WDR25: variants seen among roughly 807,000 people sequenced by gnomAD.
The protein encoded by WDR25 is WD repeat-containing protein 25.
A neutral mutation model predicts 47.7 loss-of-function variants in WDR25; 35 were observed. That is an observed-to-expected ratio of 0.73 (90% CI 0.56 to 0.97). WDR25 has a LOEUF of 0.97. Ranked by LOEUF, WDR25 falls within the 50% of genes least tolerant of loss-of-function variation. The probability of loss-of-function intolerance (pLI) is 0.00; values close to 1 mark genes in which losing one functional copy is unlikely to be tolerated. For missense variants in WDR25, 634 were observed against 704.7 expected (o/e 0.90, Z 1.14); for synonymous variants, 248 against 278.9 (o/e 0.89, Z 1.10).
rs111639654 is a variant in WDR25, at chr14:100,381,607, A to G, written c.683A>G (p.His228Arg). 1.2e-6 allele frequency: 2 copies of G among 1,608,496 alleles called. No homozygotes were observed. Among genetic ancestry groups the G allele is most frequent in the Non-Finnish European group, 1.7e-6 (2 of 1,175,656 alleles). The change falls in exon 2 of 7, where the codon CAT (histidine) becomes CGT (arginine). Residue 228 changes from histidine to arginine, a missense_variant. Transcript: ENST00000402312. ...TTTATTCAGCCATATTTGAATAGCC[A>G]TTATAAAGAAACCACAGTTCCCCGG... is the stretch of plus-strand genomic sequence containing the variant. ...SEFIQPYLNS[H>R]YKETTVPRKV...
chr14:100,417,280 C>T lies in WDR25; in HGVS notation c.822+35534C>T, dbSNP rs1237572696. Among the ~76,000 whole-genome samples the T allele has an allele frequency of 2.0e-5, 3 of 152,226 alleles. No individual in the cohort carries two copies. In the South Asian group the frequency reaches 6.2e-4, roughly 32 times the overall value. On this transcript the variant is annotated intron_variant, in intron 2 of 6. Transcript: ENST00000402312. ...ACACTAGCTCAGGGAGAGAGGCAGC[C>T]GTACCTGGAGGAGCTGCTTAGTAGG...
intron 2 of WDR25, among the ~76,000 whole-genome samples, chr14:100,456,771 A>G (rs1378221165): frequency 6.6e-6 from 1 of 152,204 alleles, no homozygotes; most frequent in Admixed American, 6.5e-5. Flanking sequence ...TTCACCCAAT[A>G]TATGTGAAAG....
In WDR25 at chr14:100,407,097, GAGA is replaced by G. The variant is rs143841338; in HGVS notation, c.822+25358_822+25360del. On this transcript the variant is annotated intron_variant, in intron 2 of 6. Coordinates refer to ENST00000402312, the MANE Select transcript of WDR25 (RefSeq NM_001161476.3). This position sits in a 1 kb window ranked among gnomAD's most constrained non-coding sequence, Gnocchi z 4.1. The stretch of plus-strand genomic sequence containing the variant: ...ACAAAGGTCGCTGAAGTCCTTCCAG[GAGA>G]AGAAGATCAATGCCTGGGCTGAGCC... 141 of 152,394 alleles carry G rather than the reference GAGA, an allele frequency of 9.3e-4. No homozygotes were observed. Among genetic ancestry groups the G allele is most frequent in the African/African-American group, 3.2e-3 (132 of 41,590 alleles). The allele number at this position is 152,394 out of a possible 1,614,324, so 9.4% of individuals were successfully genotyped here.
chr14:100,527,877 G>A (rs2030262996), intron 5 of WDR25, among the ~76,000 whole-genome samples: 1 of 152,234 alleles, frequency 6.6e-6, no homozygotes, highest in African/African-American at 2.4e-5. Flanking sequence ...CACTTAGAGA[G>A]TGTGGCCTAG....
intron 4 of WDR25, among the ~76,000 whole-genome samples, chr14:100,519,267 G>T (rs1365016218): frequency 1.7e-5 from 2 of 119,136 alleles, no homozygotes; most frequent in Non-Finnish European, 3.0e-5. Flanking sequence ...TTATAGGGGG[G>T]AGAGAGAGAG....
Position 100,376,495 on chromosome 14 carries a change from G to A in WDR25, c.-16G>A. On this transcript the variant is annotated splice_region_variant and 5_prime_UTR_variant, in exon 1 of 7. Transcript: ENST00000402312. ...GCCTCCGGGAGAACCGAGCGCTTCCGGTGCGTGTGGTGAGCGGCGGGCCCC... is the reference window on the plus strand; with the variant it reads ...GCCTCCGGGAGAACCGAGCGCTTCCAGTGCGTGTGGTGAGCGGCGGGCCCC... The A allele has an allele frequency of 8.1e-7, 1 of 1,231,664 alleles. No homozygotes were observed. The highest frequency in any genetic ancestry group is 1.5e-5 in the African/African-American group (1 of 64,540). The allele number at this position is 1,231,664 out of a possible 1,614,324, so 76.3% of individuals were successfully genotyped here.
At chr14:100,484,598 AGGCT>A (rs1900320685) in intron 4 of WDR25, among the ~76,000 whole-genome samples, 1 of 152,042 alleles carries the variant, frequency 6.6e-6, no homozygotes, top group Non-Finnish European at 1.5e-5. Context: ...TCAGTCTTAA[AGGCT>A]GGTTGTGATT....
chr14:100,472,828 GC>G (rs910096092), intron 3 of WDR25, among the ~76,000 whole-genome samples: 1 of 152,190 alleles, frequency 6.6e-6, no homozygotes, highest in Non-Finnish European at 1.5e-5. Context: ...CCCCCAGCCT[GC>G]CCGGCCTGAC....
In WDR25 at chr14:100,430,315, C is replaced by T. The variant is rs1244150176; in HGVS notation, c.823-37706C>T. ...CGGACCTCCTGCTTCCTGATCTCCTCAGCCCTTTGGGGAAATGGAGGAATT... is the reference window on the plus strand; with the variant it reads ...CGGACCTCCTGCTTCCTGATCTCCTTAGCCCTTTGGGGAAATGGAGGAATT... On this transcript the variant is annotated intron_variant, in intron 2 of 6. Transcript: ENST00000402312. The surrounding 1 kb of genome is among the most constrained non-coding windows in gnomAD (Gnocchi z 4.7). Among the ~76,000 whole-genome samples, 6 of 152,230 alleles carry T rather than the reference C, an allele frequency of 3.9e-5. No homozygotes were observed. The East Asian group carries it at 1.2e-3, about 29-fold the overall frequency.
At chr14:100,492,407 A>G (rs994526408) in intron 4 of WDR25, among the ~76,000 whole-genome samples, 9 of 152,198 alleles carry the variant, frequency 5.9e-5, no homozygotes, top group Non-Finnish European at 1.3e-4. Flanking sequence ...TGAGCTGCCA[A>G]CAAGCTCAGT....
intron 2 of WDR25, among the ~76,000 whole-genome samples, chr14:100,456,558 C>G (rs1899210977): frequency 6.6e-6 from 1 of 152,046 alleles, no homozygotes; most frequent in Non-Finnish European, 1.5e-5. Flanking sequence ...ATGGGCGATA[C>G]AAAAAAGATC....
chr14:100,413,480 C>T lies in WDR25; in HGVS notation c.822+31734C>T, dbSNP rs536466505. On this transcript the variant is annotated intron_variant, in intron 2 of 6. Coordinates refer to ENST00000402312, the MANE Select transcript of WDR25 (RefSeq NM_001161476.3). ...CCAGGCTGGAGTGCAGTGCCACGAT[C>T]TCGGCTCACTGCGACCTCCGCCTCC... 7.9e-5 allele frequency among the ~76,000 whole-genome samples: 12 copies of T among 151,184 alleles called. No homozygotes were observed. In the South Asian group the frequency reaches 2.3e-3, roughly 29 times the overall value.
intron 4 of WDR25, among the ~76,000 whole-genome samples, chr14:100,518,131 G>C (rs1289233250): frequency 1.3e-5 from 2 of 152,132 alleles, no homozygotes; most frequent in Admixed American, 6.5e-5. Flanking sequence ...GTCAGCCTGA[G>C]GAACTTCCTT....
intron 2 of WDR25, among the ~76,000 whole-genome samples, chr14:100,398,188 T>A (rs1177875841): frequency 1.3e-5 from 2 of 152,224 alleles, no homozygotes; most frequent in Non-Finnish European, 2.9e-5. Context: ...TTGCAATACA[T>A]GCTCTTCGAA....
Position 100,526,000 on chromosome 14 carries a change from ATTT to A in WDR25, c.1233_1235del (p.Phe412del). 6.2e-7 allele frequency: 1 copy of A among 1,614,038 alleles called. No homozygotes were observed. Among genetic ancestry groups the A allele is most frequent in the Non-Finnish European group, 8.5e-7 (1 of 1,179,966 alleles). ...GCTGACCGCACCATTATTGCCTGGG[ATTT>A]CCGGACCTCTGCCAAAATCTCCAAC... On this transcript the variant is annotated inframe_deletion, in exon 5 of 7. Coordinates refer to ENST00000402312, the MANE Select transcript of WDR25 (RefSeq NM_001161476.3). This position sits in a 1 kb window ranked among gnomAD's most constrained non-coding sequence, Gnocchi z 4.6.
intron 4 of WDR25, among the ~76,000 whole-genome samples, chr14:100,495,688 C>T (rs1041715951): frequency 3.9e-5 from 6 of 152,220 alleles, no homozygotes; most frequent in African/African-American, 1.4e-4. Flanking sequence ...GCCTTACGAT[C>T]TCACTTCTTT....
At chr14:100,391,510 T>G (rs1228162205) in intron 2 of WDR25, among the ~76,000 whole-genome samples, 2 of 152,086 alleles carry the variant, frequency 1.3e-5, no homozygotes, top group Non-Finnish European at 2.9e-5. Flanking sequence ...CAACCTTTCC[T>G]CAAAAAAGAA....
rs893533298 is a variant in WDR25 at position 100,498,513 on chromosome 14, C to A, written c.1101+14389C>A. On this transcript the variant is annotated intron_variant, in intron 4 of 6. Coordinates refer to ENST00000402312, the MANE Select transcript of WDR25 (RefSeq NM_001161476.3). This position sits in a 1 kb window ranked among gnomAD's most constrained non-coding sequence, Gnocchi z 4.2. ...TTTGCTCATTGAACACTGCGGAGCA[C>A]CTGCTGTTTATAGGGTGTCTTCCTA... is the stretch of plus-strand genomic sequence containing the variant. Among the ~76,000 whole-genome samples, 11 of 152,150 alleles carry A rather than the reference C, an allele frequency of 7.2e-5. No homozygotes were observed. The highest frequency in any genetic ancestry group is 2.7e-4 in the African/African-American group (11 of 41,416).
At chr14:100,476,287 T>C (rs1900014640) in intron 3 of WDR25, among the ~76,000 whole-genome samples, 1 of 152,246 alleles carries the variant, frequency 6.6e-6, no homozygotes, top group Admixed American at 6.5e-5. Context: ...AGATGGCCCC[T>C]GTTTCTGATG....
Sources: allele counts gnomAD v4.1 joint callset (sites outside exome capture counted in the v4.1 genomes callset), GRCh38; gene constraint gnomAD v4.1.1; non-coding constraint Gnocchi (gnomAD v3.1); transcripts MANE v1.5; gene names NCBI Gene and HGNC (gene_info 2026-07-23, HGNC 2026-07-21).